Variants in RAB27A observed in about 807,000 individuals in gnomAD.
The protein encoded by RAB27A is ras-related protein Rab-27A.
Under a neutral mutation model 20.8 loss-of-function variants are expected in RAB27A, and 17 were observed. The ratio of observed to expected loss-of-function variants is 0.82; its 90% CI spans 0.56 to 1.23. RAB27A has a LOEUF of 1.23. RAB27A is among the 50% of genes most tolerant of loss of function. RAB27A has a pLI of 0.00. For synonymous variants in RAB27A, 85 were observed against 92.8 expected, an observed-to-expected ratio of 0.92 and a Z score of 0.48; for missense variants, 277 against 266.7, an observed-to-expected ratio of 1.04 and a Z score of -0.27.
intron 2 of RAB27A, among the ~76,000 whole-genome samples, chr15:55,249,813 A>C (rs1896820760): frequency 6.6e-6 from 1 of 152,224 alleles, no homozygotes; most frequent in African/African-American, 2.4e-5. Context: ...AAAGAGGATG[A>C]ATATAAAGCA....
intron 5 of RAB27A, among the ~76,000 whole-genome samples, chr15:55,227,036 T>A (rs775657033): frequency 3.3e-5 from 5 of 152,146 alleles, no homozygotes; most frequent in Non-Finnish European, 7.4e-5. Context: ...GTTTAAATGG[T>A]AGGGGGTGGA....
intron 1 of RAB27A, among the ~76,000 whole-genome samples, chr15:55,271,260 G>A (rs949327592): frequency 6.6e-6 from 1 of 152,120 alleles, no homozygotes; most frequent in Non-Finnish European, 1.5e-5. Context: ...CTTCCTATAA[G>A]CTGCTAGAGT....
intron 1 of RAB27A, among the ~76,000 whole-genome samples, chr15:55,274,948 AAGAG>A (rs2141108200): frequency 6.6e-6 from 1 of 151,446 alleles, no homozygotes; most frequent in South Asian, 2.1e-4. Flanking sequence ...AAAGAATAAT[AAGAG>A]ATACTCTAAA....
At chr15:55,291,612 G>C (rs1275282378), upstream of RAB27A, among the ~76,000 whole-genome samples, 1 of 150,746 alleles carries the variant, frequency 6.6e-6, no homozygotes, top group Non-Finnish European at 1.5e-5. Flanking sequence ...CTAAAATCTG[G>C]GAAACCAATA....
At chr15:55,263,872 A>C (rs545675767) in intron 2 of RAB27A, among the ~76,000 whole-genome samples, 1 of 152,386 alleles carries the variant, frequency 6.6e-6, no homozygotes, top group African/African-American at 2.4e-5. Flanking sequence ...TCTAGAAATG[A>C]AAAGGGCACT....
At chr15:55,242,097 T>C (rs3985771) in intron 2 of RAB27A, among the ~76,000 whole-genome samples, 1 of 151,980 alleles carries the variant, frequency 6.6e-6, no homozygotes, top group South Asian at 2.1e-4. Flanking sequence ...TCCCCCACTA[T>C]TAGGCAGAAT....
intron 2 of RAB27A, among the ~76,000 whole-genome samples, chr15:55,239,358 C>A (rs1896390817): frequency 6.6e-6 from 1 of 152,078 alleles, no homozygotes; most frequent in Non-Finnish European, 1.5e-5. Context: ...CAATCAGAAG[C>A]AACAAAAACA....
chr15:55,209,827 T>TACATATATGTGTGTAC (rs1402251791), intron 6 of RAB27A, among the ~76,000 whole-genome samples: 4 of 126,832 alleles, frequency 3.2e-5, no homozygotes, highest in Non-Finnish European at 6.3e-5. Context: ...TGTGTATATA[T>TACATATATGTGTGTAC]ACATATATGT....
At chr15:55,261,634 G>C (rs1897270310) in intron 2 of RAB27A, among the ~76,000 whole-genome samples, 1 of 148,196 alleles carries the variant, frequency 6.7e-6, no homozygotes, top group Admixed American at 6.7e-5. Flanking sequence ...CCAGCTACTT[G>C]GGAGGCTAAG....
At chr15:55,287,407 A>G (rs931248491) in intron 1 of RAB27A, among the ~76,000 whole-genome samples, 1 of 152,200 alleles carries the variant, frequency 6.6e-6, no homozygotes, top group Non-Finnish European at 1.5e-5. Context: ...AAACCCTTAC[A>G]TCTATTTTAG....
intron 2 of RAB27A, among the ~76,000 whole-genome samples, chr15:55,312,243 A>T (rs959090233): frequency 6.6e-6 from 1 of 152,150 alleles, no homozygotes; most frequent in African/African-American, 2.4e-5. Context: ...ACAGCGGCAA[A>T]CAACAGGGGT....
chr15:55,205,705 T>A lies in RAB27A; in HGVS notation c.468A>T (p.Gly156=). The A allele has an allele frequency of 6.2e-7, 1 of 1,612,562 alleles. No homozygotes were observed. The highest frequency in any genetic ancestry group is 2.2e-5 in the East Asian group (1 of 44,864). ...EEAIALAEKY[G]IPYFETSAAN... is the part of the protein sequence containing the mutation. ...CAGCACTAGTTTCAAAGTAGGGGAT[T>A]CTGGAAGACAGAGACAACTGAGGTA... Residue 156 remains glycine (G), a splice_region_variant and synonymous_variant, in exon 7 of 7, where the codon GGA becomes GGT. Transcript: ENST00000336787.
intron 2 of RAB27A, among the ~76,000 whole-genome samples, chr15:55,295,625 T>C (rs73413697): frequency 0.05 from 7,552 of 152,228 alleles, 637 homozygotes; most frequent in African/African-American, 0.17. Context: ...ATTCCACTTA[T>C]ATGAAACATC....
At chr15:55,279,825 G>A (rs147523055) in intron 1 of RAB27A, among the ~76,000 whole-genome samples, 3 of 152,262 alleles carry the variant, frequency 2.0e-5, no homozygotes, top group East Asian at 1.9e-4. Flanking sequence ...GAAAGTTAAG[G>A]CCTCAATGTT....
At chr15:55,222,172 C>G (rs1291686204) in intron 6 of RAB27A, among the ~76,000 whole-genome samples, 1 of 152,164 alleles carries the variant, frequency 6.6e-6, no homozygotes, top group Non-Finnish European at 1.5e-5. Context: ...AGAGGTGAAG[C>G]CCAGACATGA....
At position 55,223,914 on chromosome 15, in the gene RAB27A, C is replaced by G. The variant is rs1238797403; in HGVS notation, c.442G>C (p.Ala148Pro). Residue 148 changes from alanine to proline, a missense_variant, in exon 6 of 7, where the codon GCC (alanine) becomes CCC (proline). By Grantham distance (27) the Ala-to-Pro change is conservative. Coordinates refer to ENST00000336787, the MANE Select transcript of RAB27A (RefSeq NM_183235.3). ...EDQRVVKEEE[A>P]IALAEKYGIP... ...CCATATTTCTCTGCGAGTGCTATGG[C>G]TTCCTCCTCTTTCACTACTCTCTGG... 1 of 1,613,822 alleles carries G rather than the reference C, an allele frequency of 6.2e-7. No individual in the cohort carries two copies. Among genetic ancestry groups the G allele is most frequent in the South Asian group, 1.1e-5 (1 of 91,086 alleles).
chr15:55,294,395 C>T (rs1312963632), upstream of RAB27A, among the ~76,000 whole-genome samples: 1 of 152,018 alleles, frequency 6.6e-6, no homozygotes, highest in Non-Finnish European at 1.5e-5. Flanking sequence ...CCAGACCCAA[C>T]TGGGCAACAT....
intron 2 of RAB27A, among the ~76,000 whole-genome samples, chr15:55,262,514 C>G (rs1245609408): frequency 6.8e-6 from 1 of 146,508 alleles, no homozygotes; most frequent in African/African-American, 2.5e-5. Flanking sequence ...TGCACTCCAG[C>G]CTGGGCAACA....
chr15:55,290,988 T>C (rs193166464), upstream of RAB27A, among the ~76,000 whole-genome samples: 68 of 152,338 alleles, frequency 4.5e-4, no homozygotes, highest in East Asian at 9.6e-4. Flanking sequence ...CTACTCACAG[T>C]TGGCATTACA....
Sources: allele counts gnomAD v4.1 joint callset (sites outside exome capture counted in the v4.1 genomes callset), GRCh38; gene constraint gnomAD v4.1.1; transcripts MANE v1.5; gene names NCBI Gene and HGNC (gene_info 2026-07-23, HGNC 2026-07-21).